Variants in CEP135 observed in about 807,000 individuals in gnomAD.
CEP135 encodes the protein centrosomal protein of 135 kDa.
CEP135 carries 142 observed loss-of-function variants against 157.3 expected under a neutral mutation model. The observed-to-expected ratio is 0.90, with a 90% CI of 0.79 to 1.04. CEP135 has a LOEUF of 1.04. Among genes scored for constraint, CEP135 ranks in the 50% least tolerant of loss-of-function variants. CEP135 has a pLI of 0.00. For missense variants in CEP135, 1,317 were observed against 1,309.2 expected (o/e 1.01, Z -0.09); for synonymous variants, 396 against 439.8 (o/e 0.90, Z 1.25).
In CEP135 at chr4:56,020,725, T is replaced by A. The variant is rs76659072; in HGVS notation, c.3265T>A (p.Leu1089Ile). ...CATGCTTCGAGCTAAAGTGGCACAG[T>A]TACAAACAGATTATGATGCTCTGAA... is the stretch of plus-strand genomic sequence containing the variant. ...NTMLRAKVAQ[L>I]QTDYDALKRQ... Residue 1089 changes from leucine (L) to isoleucine (I), a missense_variant, in exon 24 of 26, where the codon TTA becomes ATA. Coordinates refer to ENST00000257287, the MANE Select transcript of CEP135 (RefSeq NM_025009.5). 4.3e-4 allele frequency: 688 copies of A among 1,613,780 alleles called. 5 individuals carry two copies. The African/African-American group carries it at 8.3e-3, about 19-fold the overall frequency.
chr4:55,981,355 G>A lies in CEP135; in HGVS notation c.1755G>A (p.Lys585=), dbSNP rs759199868. ...ACTTAAGAAGAATTATGGCAGAAAA[G>A]GAAGCTTTAAGAGAAAAATTAGAGG... ...LSDLRRIMAE[K]EALREKLEHI... The change falls in exon 13 of 26, where the codon AAG becomes AAA. Residue 585 remains lysine (K), a synonymous_variant. Coordinates refer to ENST00000257287, the MANE Select transcript of CEP135 (RefSeq NM_025009.5). The A allele has an allele frequency of 1.9e-6, 3 of 1,579,912 alleles. No homozygotes were observed. Among genetic ancestry groups the A allele is most frequent in the African/African-American group, 1.4e-5 (1 of 72,288 alleles).
chr4:56,012,968 A>G (rs928481734), intron 21 of CEP135, among the ~76,000 whole-genome samples: 1 of 152,224 alleles, frequency 6.6e-6, no homozygotes, highest in Non-Finnish European at 1.5e-5. Context: ...AGGAATAGCC[A>G]TGTGGTTTTT....
At chr4:55,994,206 T>C (rs139121128) in intron 15 of CEP135, among the ~76,000 whole-genome samples, 4 of 152,332 alleles carry the variant, frequency 2.6e-5, no homozygotes, top group African/African-American at 9.6e-5. Flanking sequence ...TGCTACCCCT[T>C]TGATCACATC....
At chr4:55,971,166 A>G (rs1353204564) in intron 9 of CEP135, 104 bp from the exon 10 acceptor site, 3 of 768,170 alleles carry the variant, frequency 3.9e-6, no homozygotes, top group Non-Finnish European at 6.0e-6. Flanking sequence ...ACACACGTAT[A>G]TGTAAATTGC....
intron 23 of CEP135, among the ~76,000 whole-genome samples, 183 bp downstream of exon 23, chr4:56,019,738 C>G (rs1253864726): frequency 6.6e-6 from 1 of 151,700 alleles, no homozygotes; most frequent in Non-Finnish European, 1.5e-5. Context: ...GAGTTTGAGA[C>G]TAGCCTGGGC....
intron 25 of CEP135, among the ~76,000 whole-genome samples, chr4:56,026,107 G>A (rs1199171089): frequency 1.3e-5 from 2 of 152,152 alleles, no homozygotes; most frequent in Admixed American, 6.5e-5. Context: ...TACTTGGGAT[G>A]CGGAGGCAGG....
intron 14 of CEP135, among the ~76,000 whole-genome samples, chr4:55,991,214 G>A (rs959704756): frequency 1.3e-5 from 2 of 151,898 alleles, no homozygotes; most frequent in African/African-American, 4.8e-5. Context: ...TTGACTTCAT[G>A]ATATGCCCAC....
chr4:56,012,813 T>A (rs1730631519), intron 21 of CEP135, among the ~76,000 whole-genome samples: 1 of 152,276 alleles, frequency 6.6e-6, no homozygotes, highest in Non-Finnish European at 1.5e-5. Context: ...TTGATTTGTT[T>A]CTACCTTTTG....
intron 25 of CEP135, among the ~76,000 whole-genome samples, chr4:56,025,969 G>A (rs1731145865): frequency 6.6e-6 from 1 of 151,770 alleles, no homozygotes; most frequent in Non-Finnish European, 1.5e-5. Flanking sequence ...AGCACTTTGG[G>A]AGGCCGAGGC....
intron 6 of CEP135, chr4:55,960,590 A>G (rs1457451449): frequency 6.6e-6 from 1 of 152,182 alleles, no homozygotes; most frequent in African/African-American, 2.4e-5. Flanking sequence ...GTATAACTAA[A>G]TCTTTAAAGT....
chr4:55,985,221 G>A, intron 13 of CEP135, 60 bp from the exon 14 acceptor site: 1 of 839,992 alleles, frequency 1.2e-6, no homozygotes, highest in Non-Finnish European at 2.0e-6. Context: ...ATTGCTTACT[G>A]TGGTGATTTT....
At chr4:56,020,314 A>G (rs1312742955) in intron 23 of CEP135, among the ~76,000 whole-genome samples, 3 of 152,230 alleles carry the variant, frequency 2.0e-5, no homozygotes, top group Admixed American at 6.5e-5. Context: ...AAAGAAACCC[A>G]GAGTAGAGTA....
intron 15 of CEP135, among the ~76,000 whole-genome samples, chr4:55,995,048 C>T (rs1488214969): frequency 6.6e-6 from 1 of 152,124 alleles, no homozygotes; most frequent in African/African-American, 2.4e-5. Flanking sequence ...GTTGTCAGAG[C>T]ACATAATATA....
intron 17 of CEP135, among the ~76,000 whole-genome samples, chr4:56,004,090 G>T (rs1445832600): frequency 2.0e-5 from 3 of 152,216 alleles, no homozygotes; most frequent in Admixed American, 6.5e-5. Context: ...GTATTTCACA[G>T]ATTTTGGTAC....
chr4:55,977,764 C>T (rs1180047441), intron 11 of CEP135, among the ~76,000 whole-genome samples: 1 of 152,162 alleles, frequency 6.6e-6, no homozygotes, highest in Non-Finnish European at 1.5e-5. Context: ...CACAATAGCT[C>T]ATTAAAACAT....
chr4:55,989,465 A>C (rs1472750572), intron 14 of CEP135, among the ~76,000 whole-genome samples: 1 of 152,242 alleles, frequency 6.6e-6, no homozygotes, highest in Non-Finnish European at 1.5e-5. Context: ...CTGGTGCCAG[A>C]ATGTGTGCCC....
chr4:55,952,511 T>C, intron 2 of CEP135: 1 of 274,292 alleles, frequency 3.6e-6, no homozygotes, highest in Non-Finnish European at 6.8e-6. Flanking sequence ...TCTGATATAA[T>C]TGAGAGACAC....
chr4:55,982,272 T>C (rs1729437674), intron 13 of CEP135, among the ~76,000 whole-genome samples: 1 of 152,200 alleles, frequency 6.6e-6, no homozygotes, highest in African/African-American at 2.4e-5. Context: ...ATAATGTTGC[T>C]AGGAACTTGT....
intron 25 of CEP135, 71 bp downstream of exon 25, chr4:56,024,685 A>G: frequency 9.4e-7 from 1 of 1,067,948 alleles, no homozygotes; most frequent in Non-Finnish European, 1.4e-6. Context: ...AGTTTTCTGC[A>G]TCAGGAAAGG....
Sources: allele counts gnomAD v4.1 joint callset (sites outside exome capture counted in the v4.1 genomes callset), GRCh38; gene constraint gnomAD v4.1.1; transcripts MANE v1.5; gene names NCBI Gene and HGNC (gene_info 2026-07-23, HGNC 2026-07-21).